Variants in MPZL1 observed in about 807,000 individuals in gnomAD.
MPZL1 encodes myelin protein zero like 1, also known as myelin protein zero-like protein 1.
MPZL1 carries 16 observed loss-of-function variants against 29.3 expected under a neutral mutation model. The observed-to-expected ratio is 0.55, with a 90% CI of 0.37 to 0.83. The LOEUF (loss-of-function observed/expected upper bound fraction) is 0.83. Among genes scored for constraint, MPZL1 ranks in the 40% least tolerant of loss-of-function variants. MPZL1 has a pLI of 0.00. For synonymous variants in MPZL1, 143 were observed against 132.0 expected, an observed-to-expected ratio of 1.08 and a Z score of -0.57; for missense variants, 279 against 332.9, an observed-to-expected ratio of 0.84 and a Z score of 1.26.
At chr1:167,753,527 C>CT (rs1446847628) in intron 1 of MPZL1, among the ~76,000 whole-genome samples, 1 of 152,120 alleles carries the variant, frequency 6.6e-6, no homozygotes, top group East Asian at 1.9e-4. Flanking sequence ...CGAAGTATTT[C>CT]TTTCTCCATT....
rs139836945 is a variant in MPZL1 at position 167,762,102 on chromosome 1, C to G, written c.92-3481C>G. On this transcript the variant is annotated intron_variant, in intron 1 of 5. Transcript: ENST00000359523. ...ATGATTGGGTCTAGAGCTAGTGATT[C>G]TCAACTGGGGGGATTTCACCTCTGA... Among the ~76,000 whole-genome samples the G allele has an allele frequency of 4.0e-4, 61 of 152,098 alleles. No individual in the cohort carries two copies. The East Asian group carries it at 8.7e-3, about 22-fold the overall frequency.
chr1:167,743,876 T>C (rs373772066), intron 1 of MPZL1, among the ~76,000 whole-genome samples: 2 of 152,096 alleles, frequency 1.3e-5, no homozygotes, highest in Non-Finnish European at 2.9e-5. Flanking sequence ...ACTTCCTCTT[T>C]ACTGATTTGG....
chr1:167,748,015 CA>C (rs1326011400), intron 1 of MPZL1, among the ~76,000 whole-genome samples: 1 of 152,174 alleles, frequency 6.6e-6, no homozygotes, highest in African/African-American at 2.4e-5. Context: ...TTTCACTTAG[CA>C]TAACATTTTC....
chr1:167,734,494 C>A (rs1660337792), intron 1 of MPZL1, among the ~76,000 whole-genome samples: 1 of 151,860 alleles, frequency 6.6e-6, no homozygotes, highest in Non-Finnish European at 1.5e-5. Flanking sequence ...TTTGGCCTAA[C>A]CCAACTTGAC....
intron 1 of MPZL1, among the ~76,000 whole-genome samples, chr1:167,756,449 T>C (rs1660871236): frequency 6.6e-6 from 1 of 150,630 alleles, no homozygotes; most frequent in South Asian, 2.1e-4. Flanking sequence ...TTTTTTTTTT[T>C]TTTTTGGTAA....
At chr1:167,755,463 G>A (rs573592655) in intron 1 of MPZL1, among the ~76,000 whole-genome samples, 3 of 152,302 alleles carry the variant, frequency 2.0e-5, no homozygotes, top group African/African-American at 4.8e-5. Context: ...ATATGTGAGA[G>A]TGTTATTTTC....
In MPZL1 at chr1:167,737,913, GT is replaced by G. The variant is rs533628255; in HGVS notation, c.91+15678del. Among the ~76,000 whole-genome samples the G allele has an allele frequency of 1.2e-4, 18 of 146,002 alleles. No homozygotes were observed. The South Asian group carries it at 3.9e-3, about 32-fold the overall frequency. ...TCCATTGAGTACTGAGATTTCTTGT[GT>G]TTTTTTGTTTGTTTGTTTGTTTGTT... On this transcript the variant is annotated intron_variant, in intron 1 of 5. Transcript: ENST00000359523.
intron 1 of MPZL1, among the ~76,000 whole-genome samples, chr1:167,758,046 C>T (rs1660906245): frequency 6.6e-6 from 1 of 151,612 alleles, no homozygotes; most frequent in African/African-American, 2.4e-5. Flanking sequence ...CCCAGCTATT[C>T]AGGAGGCTGA....
At chr1:167,722,791 C>G (rs989174310) in intron 1 of MPZL1, among the ~76,000 whole-genome samples, 9 of 152,166 alleles carry the variant, frequency 5.9e-5, no homozygotes, top group African/African-American at 2.2e-4. Context: ...ATAAAAGAGT[C>G]TCATTTCCGT....
chr1:167,768,781 G>C (rs550135069), intron 2 of MPZL1, among the ~76,000 whole-genome samples: 2 of 152,324 alleles, frequency 1.3e-5, no homozygotes, highest in South Asian at 4.1e-4. Flanking sequence ...GAGCCTGACT[G>C]AGGGAGCTGT....
At position 167,790,823 on chromosome 1, in the gene MPZL1, ATTGTG is replaced by A. The variant is rs921320806; in HGVS notation, c.*2909_*2913del. ...TTAATACATCTTTTTCAATTTCTGA[ATTGTG>A]TTGTGTGCTCATTTTGACCAGAATA... On this transcript the variant is annotated 3_prime_UTR_variant, in exon 6 of 6. Transcript: ENST00000359523. The A allele has an allele frequency of 2.0e-5, 3 of 152,238 alleles. No homozygotes were observed. The highest frequency in any genetic ancestry group is 4.1e-4 in the South Asian group (2 of 4,824). The allele number at this position is 152,238 out of a possible 1,614,324, so 9.4% of individuals were successfully genotyped here.
Position 167,744,798 on chromosome 1 carries a change from C to G in MPZL1, c.92-20785C>G, listed in dbSNP as rs1206503531. ...TCCAACAACTAGTAAATATTTTTTTCCACTTGTTTCGTTAAATTTATTTCC... is the reference window on the plus strand; with the variant it reads ...TCCAACAACTAGTAAATATTTTTTTGCACTTGTTTCGTTAAATTTATTTCC... On this transcript the variant is annotated intron_variant, in intron 1 of 5. Coordinates refer to ENST00000359523, the MANE Select transcript of MPZL1 (RefSeq NM_003953.6). 2.0e-5 allele frequency among the ~76,000 whole-genome samples: 3 copies of G among 151,398 alleles called. 1 individual carries two copies.
At chr1:167,755,263 C>G (rs538864367) in intron 1 of MPZL1, among the ~76,000 whole-genome samples, 1 of 152,250 alleles carries the variant, frequency 6.6e-6, no homozygotes, top group African/African-American at 2.4e-5. Flanking sequence ...TCTTTCCAAT[C>G]TCTTGTTCTG....
chr1:167,756,685 T>C (rs1174893249), intron 1 of MPZL1, among the ~76,000 whole-genome samples: 1 of 152,238 alleles, frequency 6.6e-6, no homozygotes, highest in Non-Finnish European at 1.5e-5. Context: ...TTTGATATAT[T>C]GTATTCTTTA....
intron 1 of MPZL1, among the ~76,000 whole-genome samples, chr1:167,741,878 TAA>T (rs1471694882): frequency 1.3e-5 from 2 of 151,118 alleles, no homozygotes; most frequent in Admixed American, 1.3e-4. Flanking sequence ...ACAAAAAATA[TAA>T]AAGTTAGCTG....
At chr1:167,752,061 G>A (rs1660770713) in intron 1 of MPZL1, among the ~76,000 whole-genome samples, 2 of 152,190 alleles carry the variant, frequency 1.3e-5, no homozygotes. Flanking sequence ...CAGCTCATCT[G>A]AATTCAGACT....
intron 1 of MPZL1, among the ~76,000 whole-genome samples, chr1:167,760,215 T>G (rs201767527): frequency 6.6e-6 from 1 of 152,140 alleles, no homozygotes; most frequent in East Asian, 1.9e-4. Context: ...TTTTGTTTTG[T>G]TTTTTGAGAC....
chr1:167,757,134 G>A (rs536874242), intron 1 of MPZL1, among the ~76,000 whole-genome samples: 226 of 152,242 alleles, frequency 1.5e-3, no homozygotes, highest in Non-Finnish European at 2.5e-3. Flanking sequence ...GCCCTGATTC[G>A]CGGGAGGAAA....
At chr1:167,771,022 T>A (rs1293695013) in intron 2 of MPZL1, among the ~76,000 whole-genome samples, 1 of 151,030 alleles carries the variant, frequency 6.6e-6, no homozygotes, top group Admixed American at 6.6e-5. Flanking sequence ...TTTTTTTTAA[T>A]TGATCATTCT....
Sources: allele counts gnomAD v4.1 joint callset (sites outside exome capture counted in the v4.1 genomes callset), GRCh38; gene constraint gnomAD v4.1.1; transcripts MANE v1.5; gene names NCBI Gene and HGNC (gene_info 2026-07-23, HGNC 2026-07-21).